The following KSR2 variants were observed in gnomAD, a reference collection of about 807,000 sequenced individuals.
KSR2 encodes the protein kinase suppressor of ras 2.
In KSR2, 25 loss-of-function variants were observed where a neutral mutation model predicts 107.8. The ratio of observed to expected loss-of-function variants is 0.23; its 90% confidence interval spans 0.17 to 0.32. The LOEUF is 0.32. KSR2 is among the 10% of genes least tolerant of loss of function. The pLI is 1.00. For missense variants in KSR2, 887 were observed against 1,268.9 expected, an observed-to-expected ratio of 0.70 and a Z score of 4.57; for synonymous variants, 480 against 507.0, an observed-to-expected ratio of 0.95 and a Z score of 0.71.
chr12:117,668,805 G>A (rs1884778294), intron 4 of KSR2, among the ~76,000 whole-genome samples: 2 of 152,178 alleles, frequency 1.3e-5, no homozygotes, highest in Non-Finnish European at 2.9e-5. Context: ...AAACCAAGCA[G>A]AAGCTTCAGG....
chr12:117,700,470 A>C (rs759729473), intron 4 of KSR2, among the ~76,000 whole-genome samples: 16 of 152,190 alleles, frequency 1.1e-4, no homozygotes, highest in Non-Finnish European at 1.9e-4. Flanking sequence ...GTAGTAGAAC[A>C]AGGTCCTTAA....
rs917290805 is a variant in KSR2 at position 117,469,541 on chromosome 12, G to A, written c.2846+121C>T. On this transcript the variant is annotated intron_variant, in intron 19 of 19. Coordinates refer to ENST00000339824, the MANE Select transcript of KSR2 (RefSeq NM_173598.6). ...CTAGTAGGGAAGAGTGGTTGCCGAA[G>A]GGTGGGCACATGGATAGGAGCTTGT... The A allele has an allele frequency of 1.9e-5, 22 of 1,186,888 alleles. No individual in the cohort carries two copies. The African/African-American group carries it at 3.4e-4, about 18-fold the overall frequency. 73.5% of individuals were successfully genotyped at this position (1,186,888 alleles called of 1,614,324 possible).
At chr12:117,502,905 C>T (rs1183250810) in intron 14 of KSR2, among the ~76,000 whole-genome samples, 1 of 152,102 alleles carries the variant, frequency 6.6e-6, no homozygotes, top group Non-Finnish European at 1.5e-5. Flanking sequence ...GCTCTCGAAG[C>T]TTTGTAAATA....
intron 5 of KSR2, among the ~76,000 whole-genome samples, chr12:117,628,629 G>A (rs1882652683): frequency 6.6e-6 from 1 of 152,184 alleles, no homozygotes; most frequent in African/African-American, 2.4e-5. Context: ...CCTACTGGGA[G>A]GTGCCTCCCA....
Position 117,739,897 on chromosome 12 carries a change from T to G in KSR2, c.986+21114A>C, listed in dbSNP as rs937985682. On this transcript the variant is annotated intron_variant, in intron 4 of 19. Transcript: ENST00000339824. ...CATATTTTGGGTGTTACTGTTTTTTTTTTTCACTCTTAGAAAAGCTTGTAT... is the reference window on the plus strand; with the variant it reads ...CATATTTTGGGTGTTACTGTTTTTTGTTTTCACTCTTAGAAAAGCTTGTAT... Among the ~76,000 whole-genome samples, 50 of 151,994 alleles carry G rather than the reference T, an allele frequency of 3.3e-4. 1 individual carries two copies. The highest frequency in any genetic ancestry group is 6.5e-4 in the Non-Finnish European group (44 of 67,988).
chr12:117,936,571 A>G (rs2093413221), intron 1 of KSR2, among the ~76,000 whole-genome samples: 1 of 151,064 alleles, frequency 6.6e-6, no homozygotes, highest in South Asian at 2.1e-4. Context: ...TAGTAGTAGT[A>G]GTAGAGACAG....
intron 7 of KSR2, among the ~76,000 whole-genome samples, chr12:117,567,782 G>A (rs1299453590): frequency 1.3e-5 from 2 of 151,756 alleles, no homozygotes; most frequent in Non-Finnish European, 2.9e-5. Flanking sequence ...TCTCTTGTTT[G>A]AGCCAATGCT....
chr12:117,939,537 C>A (rs1265818220), intron 1 of KSR2, among the ~76,000 whole-genome samples: 2 of 152,178 alleles, frequency 1.3e-5, no homozygotes, highest in East Asian at 3.9e-4. Flanking sequence ...ATAGTGAAAG[C>A]CCATCTCTAC....
chr12:117,914,336 C>T (rs988472370), intron 1 of KSR2, among the ~76,000 whole-genome samples: 5 of 149,816 alleles, frequency 3.3e-5, no homozygotes, highest in East Asian at 2.0e-4. Flanking sequence ...AACTGAGGCA[C>T]GAGAATCGCT....
At chr12:117,492,116 A>C (rs959888619) in intron 14 of KSR2, among the ~76,000 whole-genome samples, 6 of 152,228 alleles carry the variant, frequency 3.9e-5, no homozygotes, top group African/African-American at 1.4e-4. Context: ...TCTTATCTGC[A>C]GGCTACCCCA....
intron 1 of KSR2, among the ~76,000 whole-genome samples, chr12:117,896,592 T>C (rs1168792932): frequency 6.6e-6 from 1 of 151,988 alleles, no homozygotes; most frequent in Non-Finnish European, 1.5e-5. Flanking sequence ...CCCAAGTAGC[T>C]GGGATTCCAG....
rs572950256 is a variant in KSR2 at position 117,458,109 on chromosome 12, C to T, written c.*9090G>A. 50 of 152,334 alleles carry T rather than the reference C, an allele frequency of 3.3e-4. No homozygotes were observed. The highest frequency in any genetic ancestry group is 1.9e-3 in the South Asian group (9 of 4,822). 9.4% of individuals were successfully genotyped at this position (152,334 alleles called of 1,614,324 possible). On this transcript the variant is annotated 3_prime_UTR_variant, in exon 20 of 20. Coordinates refer to ENST00000339824, the MANE Select transcript of KSR2 (RefSeq NM_173598.6). Reference sequence around the variant, plus strand: ...ATCACTGAATGCCCAGGGTCTAACACATAGTAGATGCTCAACAAATCACCC... The same window carrying T: ...ATCACTGAATGCCCAGGGTCTAACATATAGTAGATGCTCAACAAATCACCC...
At chr12:117,603,009 G>A (rs1881040017) in intron 5 of KSR2, among the ~76,000 whole-genome samples, 2 of 152,180 alleles carry the variant, frequency 1.3e-5, no homozygotes, top group African/African-American at 4.8e-5. Flanking sequence ...CTGGCAAATT[G>A]AGGAACTTTG....
At chr12:117,935,695 G>A (rs550046531) in intron 1 of KSR2, among the ~76,000 whole-genome samples, 2 of 152,304 alleles carry the variant, frequency 1.3e-5, no homozygotes, top group East Asian at 1.9e-4. Flanking sequence ...GGGAGGTGGA[G>A]ATTGCAGTGA....
At chr12:117,715,749 C>T (rs545609534) in intron 4 of KSR2, among the ~76,000 whole-genome samples, 1 of 152,184 alleles carries the variant, frequency 6.6e-6, no homozygotes, top group Non-Finnish European at 1.5e-5. Context: ...TTCTGCCTGT[C>T]CATAACTCTA....
chr12:117,931,240 T>C (rs1895688073), intron 1 of KSR2, among the ~76,000 whole-genome samples: 1 of 152,142 alleles, frequency 6.6e-6, no homozygotes, highest in Non-Finnish European at 1.5e-5. Flanking sequence ...AGATAGCACT[T>C]TGGCCTAGCC....
intron 1 of KSR2, among the ~76,000 whole-genome samples, chr12:117,945,128 T>C (rs1354657991): frequency 6.6e-6 from 1 of 152,058 alleles, no homozygotes; most frequent in Non-Finnish European, 1.5e-5. Context: ...GTAGGAGACA[T>C]CAACACTTCT....
chr12:117,948,005 T>C (rs1471919259), intron 1 of KSR2, among the ~76,000 whole-genome samples: 1 of 152,122 alleles, frequency 6.6e-6, no homozygotes, highest in Non-Finnish European at 1.5e-5. Context: ...CAGATATTTA[T>C]TATAAATATA....
chr12:117,668,135 C>T (rs1234876428), intron 4 of KSR2, among the ~76,000 whole-genome samples: 1 of 152,236 alleles, frequency 6.6e-6, no homozygotes, highest in Non-Finnish European at 1.5e-5. Flanking sequence ...ATCCCCAAAT[C>T]CACTGCCCTT....
Sources: allele counts gnomAD v4.1 joint callset (sites outside exome capture counted in the v4.1 genomes callset), GRCh38; gene constraint gnomAD v4.1.1; transcripts MANE v1.5; gene names NCBI Gene and HGNC (gene_info 2026-07-23, HGNC 2026-07-21).